PGM5: variants seen among roughly 807,000 people sequenced by gnomAD.
PGM5 encodes phosphoglucomutase 5.
A neutral mutation model predicts 59.2 loss-of-function variants in PGM5; 23 were observed. The observed-to-expected ratio is 0.39, with a 90% CI of 0.28 to 0.55. The LOEUF (loss-of-function observed/expected upper bound fraction) is 0.55. Ranked by LOEUF, PGM5 falls within the 20% of genes least tolerant of loss-of-function variation. PGM5 has a pLI of 0.66. For missense variants in PGM5, 574 were observed against 748.3 expected, an observed-to-expected ratio of 0.77 and a Z score of 2.72; for synonymous variants, 214 against 286.0, an observed-to-expected ratio of 0.75 and a Z score of 2.54.
intron 9 of PGM5, among the ~76,000 whole-genome samples, chr9:68,496,369 G>C (rs1466680024): frequency 6.6e-6 from 1 of 152,226 alleles, no homozygotes; most frequent in African/African-American, 2.4e-5. Context: ...ATGGTGCTGG[G>C]ATTGTTGCAG....
chr9:68,365,449 G>T (rs1372495814), intron 1 of PGM5, among the ~76,000 whole-genome samples: 1 of 151,170 alleles, frequency 6.6e-6, no homozygotes, highest in African/African-American at 2.4e-5. Flanking sequence ...TTATGAATAA[G>T]AGGATATCTA....
intron 6 of PGM5, among the ~76,000 whole-genome samples, chr9:68,410,140 G>C (rs1188484352): frequency 2.6e-5 from 4 of 152,222 alleles, no homozygotes; most frequent in African/African-American, 9.6e-5. Context: ...GCAGCAACTA[G>C]AGAGAGGATG....
chr9:68,479,647 G>A, intron 8 of PGM5, 94 bp downstream of exon 8: 1 of 1,370,164 alleles, frequency 7.3e-7, no homozygotes, highest in East Asian at 2.4e-5. Context: ...TAAAAAGGAG[G>A]CATCAGGCCG....
intron 6 of PGM5, among the ~76,000 whole-genome samples, chr9:68,440,859 CAAT>C (rs1318605834): frequency 1.3e-5 from 2 of 151,510 alleles, no homozygotes; most frequent in Non-Finnish European, 3.0e-5. Flanking sequence ...TTTAAAACAC[CAAT>C]AGAAACAAAA....
In PGM5 at chr9:68,437,973, C is replaced by A. The variant is rs1823466220; in HGVS notation, c.1044-27120C>A. On this transcript the variant is annotated intron_variant, in intron 6 of 10. Transcript: ENST00000396396. This position sits in a 1 kb window ranked among gnomAD's most constrained non-coding sequence, Gnocchi z 4.1. Reference sequence around the variant, plus strand: ...ACATCACGTGCTTGGCTCATGGAGACATTTACTCTCTGATTAGGAACCCAG... The same window carrying A: ...ACATCACGTGCTTGGCTCATGGAGAAATTTACTCTCTGATTAGGAACCCAG... Among the ~76,000 whole-genome samples, 2 of 152,056 alleles carry A rather than the reference C, an allele frequency of 1.3e-5. No homozygotes were observed. The highest frequency in any genetic ancestry group is 6.6e-5 in the Admixed American group (1 of 15,262).
At chr9:68,432,259 G>A (rs975451846) in intron 6 of PGM5, among the ~76,000 whole-genome samples, 1 of 151,386 alleles carries the variant, frequency 6.6e-6, no homozygotes, top group African/African-American at 2.4e-5. Context: ...GAGTGTAGTG[G>A]TGCCATCTCA....
chr9:68,510,673 C>A (rs1436354099), intron 10 of PGM5, among the ~76,000 whole-genome samples: 10 of 152,094 alleles, frequency 6.6e-5, no homozygotes, highest in African/African-American at 2.4e-4. Flanking sequence ...GTTTACTTTG[C>A]CAGGTTAAAG....
At chr9:68,359,554 G>T (rs1189778132) in intron 1 of PGM5, among the ~76,000 whole-genome samples, 26 of 152,144 alleles carry the variant, frequency 1.7e-4, no homozygotes, top group African/African-American at 6.3e-4. Context: ...TAAAAGAACT[G>T]GATAATTATA....
chr9:68,494,312 T>C (rs1554688036), intron 9 of PGM5, among the ~76,000 whole-genome samples: 1 of 152,144 alleles, frequency 6.6e-6, no homozygotes, highest in African/African-American at 2.4e-5. Context: ...TTCAGTGGCA[T>C]GAAGTTGTTT....
intron 10 of PGM5, among the ~76,000 whole-genome samples, chr9:68,507,807 C>T (rs1587224419): frequency 6.6e-6 from 1 of 152,146 alleles, no homozygotes; most frequent in Middle Eastern, 3.4e-3. Context: ...GCAAACAGTC[C>T]TTCTTTTTCT....
chr9:68,515,421 A>G (rs557212588), intron 10 of PGM5, among the ~76,000 whole-genome samples: 7 of 152,090 alleles, frequency 4.6e-5, no homozygotes, highest in African/African-American at 1.2e-4. Context: ...CTGCTACTCA[A>G]CTCTGCCACT....
chr9:68,436,789 C>T (rs761266879), intron 6 of PGM5, among the ~76,000 whole-genome samples: 33 of 152,132 alleles, frequency 2.2e-4, no homozygotes, highest in Non-Finnish European at 4.6e-4. Context: ...GAAGATGAAA[C>T]CAGAGCTCAA....
chr9:68,484,159 T>G, intron 9 of PGM5, 111 bp downstream of exon 9: 4 of 885,358 alleles, frequency 4.5e-6, no homozygotes, highest in Non-Finnish European at 7.2e-6. Context: ...ATTTTATAGA[T>G]GAGAACTGTG....
intron 1 of PGM5, 44 bp downstream of exon 1, chr9:68,357,432 T>C (rs1206057773): frequency 3.2e-6 from 5 of 1,542,940 alleles, no homozygotes; most frequent in East Asian, 2.4e-5. Flanking sequence ...GCCGCCGCCA[T>C]GCCCTCTCCT....
intron 6 of PGM5, among the ~76,000 whole-genome samples, chr9:68,414,087 C>T (rs2132041162): frequency 6.6e-6 from 1 of 152,240 alleles, no homozygotes; most frequent in East Asian, 1.9e-4. Flanking sequence ...TGGTATCTCC[C>T]CACCTTCTTG....
At chr9:68,496,102 A>AT in intron 9 of PGM5, among the ~76,000 whole-genome samples, 1 of 152,378 alleles carries the variant, frequency 6.6e-6, no homozygotes, top group Admixed American at 6.5e-5. Context: ...ACATAGTGCC[A>AT]ACCCCTAGTA....
intron 6 of PGM5, among the ~76,000 whole-genome samples, chr9:68,413,147 T>C (rs1266366224): frequency 6.6e-6 from 1 of 152,222 alleles, no homozygotes; most frequent in Non-Finnish European, 1.5e-5. Flanking sequence ...ATCATGTGGC[T>C]GTTTCTCTAT....
chr9:68,400,563 A>G (rs1290223328), intron 6 of PGM5: 2 of 152,636 alleles, frequency 1.3e-5, no homozygotes, highest in Non-Finnish European at 2.9e-5. Context: ...ACTATGAGCT[A>G]TCAACATGCT....
At position 68,406,722 on chromosome 9, in the gene PGM5, A is replaced by ATG. The variant is rs1563996780; in HGVS notation, c.1043+14250_1043+14251insGT. ...TATATATATATATATATATATATAT[A>ATG]TATGTATATAGTGCTTACAGCAGTG... is the stretch of plus-strand genomic sequence containing the variant. On this transcript the variant is annotated intron_variant, in intron 6 of 10. Coordinates refer to ENST00000396396, the MANE Select transcript of PGM5 (RefSeq NM_021965.4). Among the ~76,000 whole-genome samples the ATG allele has an allele frequency of 1.3e-3, 115 of 88,456 alleles. 13 individuals are homozygous for ATG. Among genetic ancestry groups the ATG allele is most frequent in the East Asian group, 2.3e-3 (7 of 3,038 alleles). 58.0% of individuals were successfully genotyped at this position (88,456 alleles called of 152,430 possible). A position where few individuals can be genotyped will look rare whatever the true frequency, so the allele number is the denominator to read the frequency against.
Sources: allele counts gnomAD v4.1 joint callset (sites outside exome capture counted in the v4.1 genomes callset), GRCh38; gene constraint gnomAD v4.1.1; non-coding constraint Gnocchi (gnomAD v3.1); transcripts MANE v1.5; gene names NCBI Gene and HGNC (gene_info 2026-07-23, HGNC 2026-07-21).